Variants in COL20A1 observed in about 807,000 individuals in gnomAD.
The protein encoded by COL20A1 is collagen type XX alpha 1 chain.
Under a neutral mutation model 152.9 loss-of-function variants are expected in COL20A1, and 164 were observed. That is an observed-to-expected ratio of 1.07 (90% CI 0.94 to 1.22). The LOEUF is 1.22. Among genes scored for constraint, COL20A1 ranks in the 50% most tolerant of loss-of-function variants. The pLI, the probability that COL20A1 is intolerant of heterozygous loss-of-function variation, is 0.00. For synonymous variants in COL20A1, 864 were observed against 756.0 expected, an observed-to-expected ratio of 1.14 and a Z score of -2.34; for missense variants, 1,873 against 1,744.8, an observed-to-expected ratio of 1.07 and a Z score of -1.31.
At position 63,311,337 on chromosome 20, in the gene COL20A1, C is replaced by T. The variant is rs748456277; in HGVS notation, c.1394-57C>T. On this transcript the variant is annotated intron_variant, in intron 11 of 35. Transcript: ENST00000358894. The surrounding 1 kb of genome is among the most constrained non-coding windows in gnomAD (Gnocchi z 4.4). ...CACTCTGGTGTGAGGGTGCCCCGTG[C>T]GTGGGTGTGATCTCTGTGTGGGCTC... is the stretch of plus-strand genomic sequence containing the variant. The T allele has an allele frequency of 8.8e-5, 131 of 1,486,202 alleles. No individual in the cohort carries two copies. Among genetic ancestry groups the T allele is most frequent in the Non-Finnish European group, 1.1e-4 (123 of 1,113,508 alleles). The allele number at this position is 1,486,202 out of a possible 1,614,324, so 92.1% of individuals were successfully genotyped here. A position where few individuals can be genotyped will look rare whatever the true frequency, so the allele number is the denominator to read the frequency against.
chr20:63,307,138 G>C (rs975502465), intron 5 of COL20A1, among the ~76,000 whole-genome samples: 1 of 152,210 alleles, frequency 6.6e-6, no homozygotes, highest in East Asian at 1.9e-4. Context: ...GCCGCGCTGC[G>C]GTGCTCACGG....
In COL20A1 at chr20:63,308,625, G is replaced by A. The variant is rs1256688959; in HGVS notation, c.859G>A (p.Val287Met). Residue 287 changes from valine (V) to methionine (M), a missense_variant, in exon 8 of 36, where the codon GTG (valine) becomes ATG (methionine). By Grantham distance (21) the Val-to-Met change is conservative. Transcript: ENST00000358894. ...AGAGGCAGCCAAGGTGGTGATTCTG[G>A]TGACGGACGGCAAGTCCCAGGACGA... ...RPEAAKVVIL[V>M]TDGKSQDDVH... 6.2e-7 allele frequency: 1 copy of A among 1,606,626 alleles called. No individual in the cohort carries two copies. Among genetic ancestry groups the A allele is most frequent in the Non-Finnish European group, 8.5e-7 (1 of 1,177,336 alleles).
At chr20:63,329,519 C>A in intron 34 of COL20A1, 66 bp from the exon 35 acceptor site, 1 of 1,279,802 alleles carries the variant, frequency 7.8e-7, no homozygotes, top group East Asian at 2.5e-5. Context: ...ACCCTCTGTC[C>A]CCGTCAGAAC....
At chr20:63,317,928 G>A (rs1455010053) in intron 21 of COL20A1, among the ~76,000 whole-genome samples, 7 of 152,218 alleles carry the variant, frequency 4.6e-5, no homozygotes, top group Middle Eastern at 3.4e-3. Context: ...GTGTTCTTAC[G>A]GGTGGGTGAG....
At position 63,329,622 on chromosome 20, in the gene COL20A1, G is replaced by A. The variant is rs1387422923; in HGVS notation, c.3819G>A (p.Gly1273=). The change falls in exon 35 of 36, where the codon GGG becomes GGA. Residue 1273 remains glycine, a synonymous_variant. Transcript: ENST00000358894. The stretch of plus-strand genomic sequence containing the variant: ...CTGTTGGTCAGATGGGCAGCCCTGG[G>A]CAGCAGGGGGCTAGCACCCAGGGCC... The part of the protein sequence containing the change: ...PGAVGQMGSP[G]QQGASTQGLW... The A allele has an allele frequency of 6.2e-7, 1 of 1,607,096 alleles. No homozygotes were observed. Among genetic ancestry groups the A allele is most frequent in the South Asian group, 1.1e-5 (1 of 90,338 alleles).
Position 63,305,923 on chromosome 20 carries a change from G to A in COL20A1, c.380G>A (p.Arg127Lys), listed in dbSNP as rs1036873685. The A allele has an allele frequency of 3.1e-6, 5 of 1,612,816 alleles. No individual in the cohort carries two copies. The highest frequency in any genetic ancestry group is 3.3e-4 in the Middle Eastern group (2 of 6,084). The stretch of plus-strand genomic sequence containing the variant: ...AGCTCCCTGGACAGGAGCAGCCAGA[G>A]GCCCCTCGGCTCTGGAGCCCCGGAG... ...KSSSLDRSSQ[R>K]PLGSGAPEPT... The change falls in exon 5 of 36, where the codon AGG becomes AAG. Residue 127 changes from arginine (R) to lysine (K), a missense_variant. Coordinates refer to ENST00000358894, the MANE Select transcript of COL20A1 (RefSeq NM_020882.4). The surrounding 1 kb of genome is among the most constrained non-coding windows in gnomAD (Gnocchi z 4.9).
At chr20:63,312,682 G>C in intron 15 of COL20A1, 110 bp from the exon 16 acceptor site, 2 of 1,459,576 alleles carry the variant, frequency 1.4e-6, no homozygotes, top group Non-Finnish European at 1.8e-6. Flanking sequence ...TGGGCACCCG[G>C]ACGGGTGTGA....
At chr20:63,320,751 G>T (rs1042177658) in intron 25 of COL20A1, among the ~76,000 whole-genome samples, 34 of 152,306 alleles carry the variant, frequency 2.2e-4, no homozygotes, top group Non-Finnish European at 5.9e-5. Flanking sequence ...GAGGGAGGGA[G>T]AAGGCACCAT....
At chr20:63,308,816 TCTG>T in intron 8 of COL20A1, 110 bp downstream of exon 8, 1 of 1,023,596 alleles carries the variant, frequency 9.8e-7, no homozygotes, top group Non-Finnish European at 1.4e-6. Flanking sequence ...AGCTTCCACA[TCTG>T]CGGCACGGAG....
Position 63,305,606 on chromosome 20 carries a change from G to A in COL20A1, c.337+46G>A, listed in dbSNP as rs747015699. On this transcript the variant is annotated intron_variant, in intron 4 of 35. Transcript: ENST00000358894. This position sits in a 1 kb window ranked among gnomAD's most constrained non-coding sequence, Gnocchi z 4.9. ...CTGGGTACCCACTCCTCCAGGCCGG[G>A]TCCCACCCTCCTCTGGGCTGGGGTC... The A allele has an allele frequency of 5.6e-5, 87 of 1,540,210 alleles. No homozygotes were observed. The Admixed American group carries it at 1.7e-3, about 30-fold the overall frequency.
intron 5 of COL20A1, among the ~76,000 whole-genome samples, chr20:63,307,256 G>A (rs34493170): frequency 0.33 from 49,703 of 152,224 alleles, 8,678 homozygotes; most frequent in Admixed American, 0.4. Flanking sequence ...TGCAGCCGTG[G>A]AGGGCAGAGG....
At chr20:63,321,206 G>A (rs1415795358) in intron 26 of COL20A1, 107 bp downstream of exon 26, 26 of 681,994 alleles carry the variant, frequency 3.8e-5, no homozygotes, top group East Asian at 1.6e-4. Flanking sequence ...CCATGCCCCC[G>A]TCCTGCCGCA....
In COL20A1 at chr20:63,313,085, C is replaced by T; in HGVS notation, c.2077-32C>T. The T allele has an allele frequency of 6.3e-7, 1 of 1,591,244 alleles. No individual in the cohort carries two copies. Among genetic ancestry groups the T allele is most frequent in the African/African-American group, 1.3e-5 (1 of 74,422 alleles). ...CCCCCAACCTGAGGACCCCACTGCA[C>T]CCGGTGACCCCTGGGGCTCTCCTCT... is the stretch of plus-strand genomic sequence containing the variant. On this transcript the variant is annotated intron_variant, in intron 16 of 35. Coordinates refer to ENST00000358894, the MANE Select transcript of COL20A1 (RefSeq NM_020882.4). This position sits in a 1 kb window ranked among gnomAD's most constrained non-coding sequence, Gnocchi z 5.9.
intron 11 of COL20A1, 94 bp downstream of exon 11, chr20:63,310,604 C>T (rs2067992756): frequency 1.5e-6 from 2 of 1,364,132 alleles, no homozygotes; most frequent in Admixed American, 2.3e-5. Context: ...GCATAGCGAG[C>T]AGCTCTGGAT....
At chr20:63,293,926 G>A (rs1568758704) in intron 1 of COL20A1, among the ~76,000 whole-genome samples, 2 of 147,176 alleles carry the variant, frequency 1.4e-5, no homozygotes, top group Non-Finnish European at 3.0e-5. Context: ...GGAGGGCCTG[G>A]GTCACTCAGG....
Position 63,311,879 on chromosome 20 carries a change from C to T in COL20A1, c.1664-37C>T, listed in dbSNP as rs897994896. 40 of 1,508,876 alleles carry T rather than the reference C, an allele frequency of 2.7e-5. No individual in the cohort carries two copies. The highest frequency in any genetic ancestry group is 3.5e-5 in the Non-Finnish European group (39 of 1,129,338). 93.5% of individuals were successfully genotyped at this position (1,508,876 alleles called of 1,614,324 possible). A position where few individuals can be genotyped will look rare whatever the true frequency, so the allele number is the denominator to read the frequency against. On this transcript the variant is annotated intron_variant, in intron 13 of 35. Coordinates refer to ENST00000358894, the MANE Select transcript of COL20A1 (RefSeq NM_020882.4). The surrounding 1 kb of genome is among the most constrained non-coding windows in gnomAD (Gnocchi z 4.4). ...CCCACCCTTGCCCCTGCCATGGAGG[C>T]CGCGTGCTGGCCTTGAGGCTCTGCT...
At chr20:63,329,743 G>C in intron 35 of COL20A1, 82 bp downstream of exon 35, 2 of 968,888 alleles carry the variant, frequency 2.1e-6, no homozygotes, top group Non-Finnish European at 3.0e-6. Context: ...AACGGGTGGG[G>C]CCTCATGCTG....
In COL20A1 at chr20:63,308,643, C is replaced by T. The variant is rs752694781; in HGVS notation, c.877C>T (p.Gln293Ter). The T allele has an allele frequency of 7.5e-6, 12 of 1,607,536 alleles. No individual in the cohort carries two copies. In the South Asian group the frequency reaches 1.1e-4, roughly 15 times the overall value. Residue 293 changes from glutamine to a stop codon, truncating the protein, a stop_gained, in exon 8 of 36, where the codon CAG becomes TAG. Transcript: ENST00000358894. LOFTEE classifies it high-confidence loss of function. ...VVILVTDGKS[Q>*]DDVHTAARVL... ...GATTCTGGTGACGGACGGCAAGTCC[C>T]AGGACGATGTGCACACTGCTGCCCG...
chr20:63,304,668 C>T (rs1484831437), intron 3 of COL20A1, among the ~76,000 whole-genome samples: 6 of 148,558 alleles, frequency 4.0e-5, no homozygotes, highest in Non-Finnish European at 7.5e-5. Flanking sequence ...TCCAGGTGTG[C>T]AGGTGTGGGT....
Sources: gnomAD v4.1 joint callset for allele counts (sites outside exome capture counted in the v4.1 genomes callset) on GRCh38, gnomAD v4.1.1 for gene constraint, Gnocchi (gnomAD v3.1) non-coding constraint, MANE v1.5 for transcripts, NCBI Gene and HGNC (gene_info 2026-07-23, HGNC 2026-07-21) for gene names.